DNAH9: variants seen among roughly 807,000 people sequenced by gnomAD.
The protein encoded by DNAH9 is DNAH9 variant protein.
In DNAH9, 345 loss-of-function variants were observed where a neutral mutation model predicts 471.6. That is an observed-to-expected ratio of 0.73 (90% CI 0.67 to 0.80). The LOEUF is 0.80. Among genes scored for constraint, DNAH9 ranks in the 30% least tolerant of loss-of-function variants. The pLI, the probability that DNAH9 is intolerant of heterozygous loss-of-function variation, is 0.00. For synonymous variants in DNAH9, 2,093 were observed against 2,123.6 expected (o/e 0.99, Z 0.40); for missense variants, 5,407 against 5,609.2 (o/e 0.96, Z 1.15).
In DNAH9 at chr17:11,783,711, C is replaced by A. The variant is rs748322616; in HGVS notation, c.7784C>A (p.Pro2595His). 3 of 1,614,102 alleles carry A rather than the reference C, an allele frequency of 1.9e-6. No homozygotes were observed. The African/African-American group carries it at 4.0e-5, about 22-fold the overall frequency. Residue 2595 changes from proline to histidine, a missense_variant, in exon 40 of 69, where the codon CCC (proline) becomes CAC (histidine). By Grantham distance (77) the Pro-to-His change is moderately conservative (BLOSUM62 -2). Around this residue, in one of 3 missense-constraint regions of DNAH9, gnomAD observed 4,636 missense variants for 4,900.3 expected, o/e 0.95. Transcript: ENST00000262442. The stretch of plus-strand genomic sequence containing the variant: ...GTACAGTATGTTTCCTGTATGAACC[C>A]CACGGCAGGCAGCTTCACCATCAAC... ...TNVQYVSCMN[P>H]TAGSFTINPR...
chr17:11,931,977 T>C (rs1275889310), intron 63 of DNAH9, 37 bp from the exon 64 acceptor site: 1 of 1,608,312 alleles, frequency 6.2e-7, no homozygotes, highest in South Asian at 1.1e-5. Flanking sequence ...ATAAGAGAAG[T>C]TGTGTGCGAA....
intron 3 of DNAH9, 117 bp from the exon 4 acceptor site, chr17:11,611,533 C>T: frequency 9.5e-7 from 1 of 1,056,696 alleles, no homozygotes; most frequent in Non-Finnish European, 1.4e-6. Context: ...GGAGCACAGC[C>T]TCTGTGGAAG....
At position 11,904,029 on chromosome 17, in the gene DNAH9, A is replaced by T. The variant is rs528913277; in HGVS notation, c.11600+1117A>T. 5.9e-5 allele frequency among the ~76,000 whole-genome samples: 9 copies of T among 152,332 alleles called. No homozygotes were observed. The East Asian group carries it at 1.7e-3, about 29-fold the overall frequency. On this transcript the variant is annotated intron_variant, in intron 60 of 68. Coordinates refer to ENST00000262442, the MANE Select transcript of DNAH9 (RefSeq NM_001372.4). ...GTGAAGTCAGGTTAGATTGCTAAGG[A>T]TAAAAGGCTTGGGTCAAAGAGTGAG...
chr17:11,764,044 C>T (rs1384642675), intron 36 of DNAH9, among the ~76,000 whole-genome samples: 1 of 152,110 alleles, frequency 6.6e-6, no homozygotes, highest in African/African-American at 2.4e-5. Context: ...CACTCCCTAC[C>T]AGGCCAGAGT....
At chr17:11,822,179 C>T (rs1175212077) in intron 46 of DNAH9, 117 bp downstream of exon 46, 9 of 1,244,362 alleles carry the variant, frequency 7.2e-6, no homozygotes, top group Middle Eastern at 2.7e-4. Flanking sequence ...GGTGAGTGTG[C>T]GGCACCCTTC....
At position 11,735,476 on chromosome 17, in the gene DNAH9, C is replaced by T. The variant is rs549106022; in HGVS notation, c.5815-3404C>T. ...TTTCAGATGGAGTCTCACTCTGTCACGCAGGCTGGAGTGCAGTGGCGCGAT... is the reference window on the plus strand; with the variant it reads ...TTTCAGATGGAGTCTCACTCTGTCATGCAGGCTGGAGTGCAGTGGCGCGAT... On this transcript the variant is annotated intron_variant, in intron 28 of 68. Coordinates refer to ENST00000262442, the MANE Select transcript of DNAH9 (RefSeq NM_001372.4). 1.1e-4 allele frequency among the ~76,000 whole-genome samples: 17 copies of T among 152,134 alleles called. No individual in the cohort carries two copies. In the East Asian group the frequency reaches 2.1e-3, roughly 19 times the overall value.
chr17:11,666,578 A>G (rs2073871941), intron 15 of DNAH9, among the ~76,000 whole-genome samples: 1 of 152,182 alleles, frequency 6.6e-6, no homozygotes, highest in African/African-American at 2.4e-5. Context: ...CCTGATCTGA[A>G]GCACTATAGA....
At chr17:11,762,758 G>GGTTTTTTTT (rs1555584554) in intron 35 of DNAH9, among the ~76,000 whole-genome samples, 1 of 94,790 alleles carries the variant, frequency 1.1e-5, no homozygotes, top group Non-Finnish European at 2.1e-5. Context: ...CTTTAGGTGC[G>GGTTTTTTTT]TTTTTTTTTT....
Position 11,854,284 on chromosome 17 carries a change from A to T in DNAH9, c.9789A>T (p.Ala3263=). 1 of 1,614,232 alleles carries T rather than the reference A, an allele frequency of 6.2e-7. No individual in the cohort carries two copies. Residue 3263 remains alanine, a synonymous_variant, in exon 50 of 69, where the codon GCA becomes GCT. Transcript: ENST00000262442. ...TGGCCACCAAATCCTATGCGGCTGC[A>T]GGCCTCTGCTCCTGGGTCATCAATA... The part of the protein sequence containing the change: ...EFVATKSYAA[A]GLCSWVINIV...
chr17:11,737,266 C>A (rs185230385), intron 28 of DNAH9, among the ~76,000 whole-genome samples: 1 of 152,312 alleles, frequency 6.6e-6, no homozygotes, highest in Admixed American at 6.5e-5. Flanking sequence ...TGTCATGCAT[C>A]CAGGCAAACT....
intron 32 of DNAH9, among the ~76,000 whole-genome samples, chr17:11,750,250 T>C (rs887074113): frequency 1.3e-5 from 2 of 151,968 alleles, no homozygotes; most frequent in African/African-American, 4.8e-5. Flanking sequence ...CTAGGCAACA[T>C]AGTTGAGACC....
intron 32 of DNAH9, among the ~76,000 whole-genome samples, chr17:11,750,601 G>T (rs1323879168): frequency 6.6e-6 from 1 of 152,056 alleles, no homozygotes; most frequent in Non-Finnish European, 1.5e-5. Flanking sequence ...TAATGGAATA[G>T]AATTAGAAAC....
chr17:11,834,435 A>C lies in DNAH9; in HGVS notation c.9247-203A>C, dbSNP rs8065377. 0.92 allele frequency among the ~76,000 whole-genome samples: 140,390 copies of C among 152,112 alleles called. 65,778 individuals carry two copies. The highest frequency in any genetic ancestry group is 1 in the Non-Finnish European group (67,915 of 68,020). On this transcript the variant is annotated intron_variant, in intron 48 of 68. Transcript: ENST00000262442. ...TTTACTATGGTGGAGAGAGGACATCAAGAGTTCCTGGGAAAGAAACCCAGG... is the reference window on the plus strand; with the variant it reads ...TTTACTATGGTGGAGAGAGGACATCCAGAGTTCCTGGGAAAGAAACCCAGG...
At chr17:11,704,160 C>T (rs1195037192) in intron 24 of DNAH9, 43 bp from the exon 25 acceptor site, 2 of 1,609,462 alleles carry the variant, frequency 1.2e-6, no homozygotes, top group Admixed American at 3.3e-5. Context: ...TGGTTGGAAA[C>T]AGCCATGATA....
rs905413556 is a variant in DNAH9 at position 11,612,318 on chromosome 17, A to G, written c.904+538A>G. 3.9e-5 allele frequency: 8 copies of G among 204,694 alleles called. No homozygotes were observed. The East Asian group carries it at 9.7e-4, about 25-fold the overall frequency. 12.7% of individuals were successfully genotyped at this position (204,694 alleles called of 1,614,324 possible). On this transcript the variant is annotated intron_variant, in intron 4 of 68. Transcript: ENST00000262442. Reference sequence around the variant, plus strand: ...GGATTATTGGCTGGGACCCCTCATTAACTAAGTGCTTGTACCTCCCTGGCA... The same window carrying G: ...GGATTATTGGCTGGGACCCCTCATTGACTAAGTGCTTGTACCTCCCTGGCA...
At position 11,664,922 on chromosome 17, in the gene DNAH9, C is replaced by T. The variant is rs372074501; in HGVS notation, c.2685C>T (p.Phe895=). ...NSIDNLLLNG[F]FLAIECSLKY... is the part of the protein sequence containing the mutation. Reference sequence around the variant, plus strand: ...TTGACAATTTGTTGCTGAATGGATTCTTTCTTGCCATTGAGTGCTCCCTCA... The same window carrying T: ...TTGACAATTTGTTGCTGAATGGATTTTTTCTTGCCATTGAGTGCTCCCTCA... The change falls in exon 15 of 69, where the codon TTC becomes TTT. Residue 895 remains phenylalanine (F), a synonymous_variant. Coordinates refer to ENST00000262442, the MANE Select transcript of DNAH9 (RefSeq NM_001372.4). 1.4e-4 allele frequency: 228 copies of T among 1,613,114 alleles called. No homozygotes were observed. Among genetic ancestry groups the T allele is most frequent in the Non-Finnish European group, 1.9e-4 (219 of 1,179,262 alleles).
At chr17:11,896,455 G>A (rs1973222613) in intron 59 of DNAH9, among the ~76,000 whole-genome samples, 1 of 152,202 alleles carries the variant, frequency 6.6e-6, no homozygotes, top group South Asian at 2.1e-4. Context: ...CCTGCAAGCT[G>A]TAGTTTGCCA....
At chr17:11,724,420 G>A (rs2075117088) in intron 27 of DNAH9, among the ~76,000 whole-genome samples, 1 of 152,112 alleles carries the variant, frequency 6.6e-6, no homozygotes, top group South Asian at 2.1e-4. Flanking sequence ...ATGAATGACA[G>A]CATGTGATAT....
intron 43 of DNAH9, among the ~76,000 whole-genome samples, chr17:11,799,951 C>T (rs990287562): frequency 6.6e-6 from 1 of 152,098 alleles, no homozygotes; most frequent in African/African-American, 2.4e-5. Flanking sequence ...AATATCCCAC[C>T]ATGTTGATTG....
Sources: allele counts gnomAD v4.1 joint callset (sites outside exome capture counted in the v4.1 genomes callset), GRCh38; gene constraint gnomAD v4.1.1; regional missense constraint gnomAD v4.1.1; transcripts MANE v1.5; gene names NCBI Gene and HGNC (gene_info 2026-07-23, HGNC 2026-07-21).